Variants in ZMYM2 observed in about 807,000 individuals in gnomAD.
The protein encoded by ZMYM2 is zinc finger MYM-type containing 2, also known as zinc finger MYM-type protein 2.
A neutral mutation model predicts 162.8 loss-of-function variants in ZMYM2; 56 were observed. That is an observed-to-expected ratio of 0.34 (90% confidence interval 0.28 to 0.43). The LOEUF is 0.43. Ranked by LOEUF, ZMYM2 falls within the 20% of genes least tolerant of loss-of-function variation. ZMYM2 has a pLI of 1.00. For missense variants in ZMYM2, 1,275 were observed against 1,621.8 expected, an observed-to-expected ratio of 0.79 and a Z score of 3.67; for synonymous variants, 510 against 541.6, an observed-to-expected ratio of 0.94 and a Z score of 0.81.
At chr13:19,892,097 CA>C in the ZMYM2 span, among the ~76,000 whole-genome samples, 4 of 151,610 alleles carry the variant, frequency 2.6e-5, no homozygotes, top group Non-Finnish European at 5.9e-5. Flanking sequence ...TGAGCTAGCA[CA>C]CCCAGCTAAT....
At chr13:20,023,895 G>A (rs1226947057) in intron 7 of ZMYM2, among the ~76,000 whole-genome samples, 1 of 151,520 alleles carries the variant, frequency 6.6e-6, no homozygotes, top group Non-Finnish European at 1.5e-5. Flanking sequence ...TATTCTCAGT[G>A]ATTCTGTCAT....
intron 2 of ZMYM2, among the ~76,000 whole-genome samples, chr13:19,987,614 T>G (rs1418172599): frequency 2.6e-5 from 3 of 115,284 alleles, no homozygotes; most frequent in Admixed American, 9.9e-5. Context: ...AAAGATGGGG[T>G]TTTGTCGTGT....
intron 15 of ZMYM2, 171 bp downstream of exon 15, chr13:20,058,875 A>C: frequency 2.4e-6 from 2 of 845,256 alleles, no homozygotes; most frequent in Non-Finnish European, 4.0e-6. Context: ...ACAGCATCTC[A>C]TTTTAAATCA....
chr13:19,947,896 G>C, the ZMYM2 span, among the ~76,000 whole-genome samples: 1 of 151,250 alleles, frequency 6.6e-6, no homozygotes, highest in African/African-American at 2.4e-5. Context: ...GATATCACCA[G>C]TTCTTTACAG....
the ZMYM2 span, among the ~76,000 whole-genome samples, chr13:19,876,765 T>C: frequency 6.6e-6 from 1 of 152,218 alleles, no homozygotes; most frequent in Admixed American, 6.5e-5. Flanking sequence ...TTTCTTATCT[T>C]GCAAAAAGTG....
chr13:20,004,375 C>T (rs1950595321), intron 4 of ZMYM2, among the ~76,000 whole-genome samples: 1 of 152,150 alleles, frequency 6.6e-6, no homozygotes, highest in South Asian at 2.1e-4. Flanking sequence ...CCTGCCTCAG[C>T]CTCCTGAGTA....
chr13:19,885,577 C>G, the ZMYM2 span, among the ~76,000 whole-genome samples: 1 of 152,062 alleles, frequency 6.6e-6, no homozygotes, highest in East Asian at 1.9e-4. Context: ...CAGTGGCTCA[C>G]GCCTATAATC....
At chr13:20,010,028 G>A (rs778875673) in intron 6 of ZMYM2, among the ~76,000 whole-genome samples, 2 of 152,162 alleles carry the variant, frequency 1.3e-5, no homozygotes, top group African/African-American at 2.4e-5. Context: ...CAGCAGCAAT[G>A]TACAAGGCTT....
At chr13:20,038,244 A>T (rs374788794) in intron 12 of ZMYM2, among the ~76,000 whole-genome samples, 1 of 152,162 alleles carries the variant, frequency 6.6e-6, no homozygotes, top group East Asian at 1.9e-4. Context: ...TAGTGCTGCA[A>T]TGAACATATG....
Position 19,964,987 on chromosome 13 carries a change from ATACT to A in ZMYM2, c.-11+4964_-11+4967del, listed in dbSNP as rs540514052. 3.0e-3 allele frequency among the ~76,000 whole-genome samples: 464 copies of A among 152,354 alleles called. 1 individual carries two copies. The highest frequency in any genetic ancestry group is 4.6e-3 in the Non-Finnish European group (311 of 68,032). On this transcript the variant is annotated intron_variant, in intron 2 of 24. Coordinates refer to ENST00000610343, the MANE Select transcript of ZMYM2 (RefSeq NM_197968.4). The stretch of plus-strand genomic sequence containing the variant: ...CATGCATTTAGGTTGGATAAGAAAA[ATACT>A]TAAGTTAGTGGGTGCAGCGCACCAG...
chr13:20,047,297 T>C (rs1954916279), intron 12 of ZMYM2, among the ~76,000 whole-genome samples: 1 of 152,236 alleles, frequency 6.6e-6, no homozygotes, highest in African/African-American at 2.4e-5. Context: ...ATTCCTTCTA[T>C]TCACTGTTGC....
At chr13:20,018,332 TTAAA>T (rs1246324051) in intron 6 of ZMYM2, among the ~76,000 whole-genome samples, 1 of 152,194 alleles carries the variant, frequency 6.6e-6, no homozygotes, top group African/African-American at 2.4e-5. Flanking sequence ...AATTCATTAG[TTAAA>T]TAAATAGGTG....
intron 10 of ZMYM2, among the ~76,000 whole-genome samples, chr13:20,032,696 C>T (rs1384668980): frequency 1.4e-5 from 2 of 148,110 alleles, no homozygotes; most frequent in African/African-American, 2.5e-5. Flanking sequence ...TCAACCTCCA[C>T]CTCCCAGGTT....
chr13:19,980,632 A>G (rs1284441018), intron 2 of ZMYM2, among the ~76,000 whole-genome samples: 3 of 151,766 alleles, frequency 2.0e-5, no homozygotes, highest in Non-Finnish European at 4.4e-5. Context: ...AGGCGCCTGT[A>G]ATCCTAGCTA....
chr13:19,914,526 G>A, the ZMYM2 span, among the ~76,000 whole-genome samples: 3 of 152,232 alleles, frequency 2.0e-5, no homozygotes, highest in Non-Finnish European at 4.4e-5. Context: ...TCCCCAGGGT[G>A]ATCAGCCAAC....
chr13:19,981,994 G>A (rs1288064024), intron 2 of ZMYM2, among the ~76,000 whole-genome samples: 1 of 152,170 alleles, frequency 6.6e-6, no homozygotes, highest in Admixed American at 6.5e-5. Flanking sequence ...ATGAAATCAT[G>A]TTTCCAGAAA....
At chr13:19,998,573 C>T (rs1197065435) in intron 3 of ZMYM2, among the ~76,000 whole-genome samples, 3 of 152,124 alleles carry the variant, frequency 2.0e-5, no homozygotes, top group African/African-American at 4.8e-5. Flanking sequence ...CTTTCTTTCT[C>T]GTTGATTAGA....
At chr13:20,007,238 T>C (rs7325501) in intron 6 of ZMYM2, among the ~76,000 whole-genome samples, 146,373 of 151,820 alleles carry the variant, frequency 0.96, 70,788 homozygotes, top group East Asian at 1. Flanking sequence ...CAGGTTCAAG[T>C]GATTCTCCTG....
At chr13:20,071,320 G>A (rs1228123295) in intron 21 of ZMYM2, among the ~76,000 whole-genome samples, 1 of 152,166 alleles carries the variant, frequency 6.6e-6, no homozygotes, top group Non-Finnish European at 1.5e-5. Flanking sequence ...CAGGTTCTTG[G>A]CGTTTTGAAC....
Sources: allele counts gnomAD v4.1 joint callset (sites outside exome capture counted in the v4.1 genomes callset), GRCh38; gene constraint gnomAD v4.1.1; transcripts MANE v1.5; gene names NCBI Gene and HGNC (gene_info 2026-07-23, HGNC 2026-07-21).